PRKCH: variants seen among roughly 807,000 people sequenced by gnomAD.
PRKCH encodes protein kinase C eta type.
Under a neutral mutation model 82.5 loss-of-function variants are expected in PRKCH, and 28 were observed. That is an observed-to-expected ratio of 0.34 (90% CI 0.25 to 0.47). The LOEUF (loss-of-function observed/expected upper bound fraction) is 0.47, where lower values mean the gene tolerates loss of function less well. PRKCH is among the 20% of genes least tolerant of loss of function. The probability of loss-of-function intolerance (pLI) is 1.00; values close to 1 mark genes in which losing one functional copy is unlikely to be tolerated. For synonymous variants in PRKCH, 322 were observed against 327.4 expected (o/e 0.98, Z 0.18); for missense variants, 705 against 881.8 (o/e 0.80, Z 2.54).
intron 1 of PRKCH, among the ~76,000 whole-genome samples, chr14:61,388,180 C>A (rs1005443715): frequency 6.6e-6 from 1 of 151,906 alleles, no homozygotes; most frequent in Non-Finnish European, 1.5e-5. Flanking sequence ...AAAGAAATCC[C>A]CATTGTGTGC....
At chr14:61,402,351 C>T (rs1881671806) in intron 2 of PRKCH, among the ~76,000 whole-genome samples, 1 of 152,042 alleles carries the variant, frequency 6.6e-6, no homozygotes, top group African/African-American at 2.4e-5. Flanking sequence ...GCCTTGTTTA[C>T]TTTTGTGTGG....
chr14:61,284,568 G>A (rs1594891242), intron 1 of PRKCH, among the ~76,000 whole-genome samples: 1 of 152,142 alleles, frequency 6.6e-6, no homozygotes, highest in Non-Finnish European at 1.5e-5. Context: ...TCCGAGAGGT[G>A]GAAGACTGAT....
intron 2 of PRKCH, among the ~76,000 whole-genome samples, chr14:61,403,265 T>G (rs1258559800): frequency 6.6e-6 from 1 of 152,216 alleles, no homozygotes; most frequent in Non-Finnish European, 1.5e-5. Context: ...AAGGGGTACT[T>G]GGACCAAAAA....
chr14:61,453,218 C>T lies in PRKCH; in HGVS notation c.833-8C>T. On this transcript the variant is annotated splice_polypyrimidine_tract_variant and splice_region_variant and intron_variant, in intron 6 of 13. Coordinates refer to ENST00000332981, the MANE Select transcript of PRKCH (RefSeq NM_006255.5). ...TGAACATGGATTCTGTTTTCCTTTT[C>T]CCTCTAGTATGTAAAATGAATGTGC... 1 of 1,614,128 alleles carries T rather than the reference C, an allele frequency of 6.2e-7. No individual in the cohort carries two copies. The highest frequency in any genetic ancestry group is 8.5e-7 in the Non-Finnish European group (1 of 1,179,988).
intron 10 of PRKCH, among the ~76,000 whole-genome samples, chr14:61,504,908 C>T (rs1411631920): frequency 6.6e-6 from 1 of 152,092 alleles, no homozygotes; most frequent in African/African-American, 2.4e-5. Flanking sequence ...ACTCATTCAA[C>T]AAATGTTAAT....
chr14:61,504,277 C>G (rs377183069), intron 10 of PRKCH, among the ~76,000 whole-genome samples: 266 of 152,130 alleles, frequency 1.7e-3, no homozygotes, highest in Admixed American at 3.9e-3. Context: ...CAACCTCCAC[C>G]TCCTGGGTTC....
chr14:61,390,908 C>T (rs1227077207), intron 1 of PRKCH: 1 of 242,394 alleles, frequency 4.1e-6, no homozygotes, highest in Non-Finnish European at 7.8e-6. Context: ...TCTTATAAGC[C>T]ATATGCATAA....
chr14:61,501,926 C>G (rs967327974), intron 10 of PRKCH, among the ~76,000 whole-genome samples: 1 of 151,948 alleles, frequency 6.6e-6, no homozygotes, highest in South Asian at 2.1e-4. Flanking sequence ...ATTTGAATGT[C>G]TCCTGTTGAA....
At chr14:61,262,683 T>C (rs2045060369) in intron 1 of PRKCH, among the ~76,000 whole-genome samples, 1 of 152,114 alleles carries the variant, frequency 6.6e-6, no homozygotes, top group Non-Finnish European at 1.5e-5. Context: ...TGGCATTGTA[T>C]GTAAATCATG....
chr14:61,499,364 C>G (rs1886799701), intron 10 of PRKCH, among the ~76,000 whole-genome samples: 1 of 152,160 alleles, frequency 6.6e-6, no homozygotes, highest in Admixed American at 6.5e-5. Flanking sequence ...TTTCTCAGTT[C>G]AGTTGCAAAG....
At chr14:61,260,612 A>C (rs1012880459) in intron 1 of PRKCH, among the ~76,000 whole-genome samples, 16 of 152,218 alleles carry the variant, frequency 1.1e-4, no homozygotes, top group Non-Finnish European at 1.5e-5. Context: ...AATCACAGTT[A>C]ACTTTATTAA....
chr14:61,297,471 G>A (rs1209842597), intron 1 of PRKCH, among the ~76,000 whole-genome samples: 5 of 152,162 alleles, frequency 3.3e-5, no homozygotes, highest in Non-Finnish European at 7.4e-5. Context: ...AAGAATGTTG[G>A]TGAACTCATA....
intron 6 of PRKCH, among the ~76,000 whole-genome samples, chr14:61,451,639 C>A (rs576608219): frequency 1.3e-5 from 2 of 152,186 alleles, no homozygotes; most frequent in East Asian, 3.9e-4. Context: ...GAGAGCTGAT[C>A]CCTGTCCTGT....
At chr14:61,433,634 G>A (rs551389525) in intron 2 of PRKCH, among the ~76,000 whole-genome samples, 9 of 152,120 alleles carry the variant, frequency 5.9e-5, no homozygotes, top group Admixed American at 1.3e-4. Flanking sequence ...TCATATGATC[G>A]TGCTATCAGC....
At chr14:61,486,995 AAG>A (rs1183993157) in intron 10 of PRKCH, among the ~76,000 whole-genome samples, 3 of 152,378 alleles carry the variant, frequency 2.0e-5, no homozygotes, top group African/African-American at 7.2e-5. Flanking sequence ...ATTAAATTAT[AAG>A]AGCTTTAAAA....
At chr14:61,342,783 G>C (rs2045944623) in intron 1 of PRKCH, among the ~76,000 whole-genome samples, 1 of 152,178 alleles carries the variant, frequency 6.6e-6, no homozygotes, top group Non-Finnish European at 1.5e-5. Context: ...TTAAAACCAG[G>C]CTCACTGACT....
chr14:61,436,816 G>A (rs1443347294), intron 2 of PRKCH, among the ~76,000 whole-genome samples: 1 of 152,248 alleles, frequency 6.6e-6, no homozygotes, highest in Non-Finnish European at 1.5e-5. Flanking sequence ...ACAGGCATGA[G>A]CCGCCACACC....
intron 1 of PRKCH, among the ~76,000 whole-genome samples, chr14:61,312,269 T>C (rs1024432839): frequency 1.3e-5 from 2 of 152,368 alleles, no homozygotes; most frequent in East Asian, 3.9e-4. Context: ...CCTAAGCAGC[T>C]GGGATTACAG....
intron 9 of PRKCH, among the ~76,000 whole-genome samples, chr14:61,478,863 AAAG>A (rs1372415181): frequency 6.6e-6 from 1 of 152,204 alleles, no homozygotes; most frequent in African/African-American, 2.4e-5. Context: ...CCTGTCTCAA[AAAG>A]AAAAACAAAA....
Sources: gnomAD v4.1 joint callset for allele counts (sites outside exome capture counted in the v4.1 genomes callset) on GRCh38, gnomAD v4.1.1 for gene constraint, MANE v1.5 for transcripts, NCBI Gene and HGNC (gene_info 2026-07-23, HGNC 2026-07-21) for gene names.